The following EXOC1L variants were observed in gnomAD, a reference collection of about 807,000 sequenced individuals.
EXOC1L encodes exocyst complex component 1 like.
EXOC1L carries 10 observed loss-of-function variants against 4.9 expected under a neutral mutation model. The ratio of observed to expected loss-of-function variants is 2.02; its 90% CI spans 1.25 to 3.43. The LOEUF is 3.43. Ranked by LOEUF, EXOC1L falls within the 30% of genes most tolerant of loss-of-function variation. The pLI, the probability that EXOC1L is intolerant of heterozygous loss-of-function variation, is 0.00. For synonymous variants in EXOC1L, 41 were observed against 20.8 expected, an observed-to-expected ratio of 1.97 and a Z score of -2.63; for missense variants, 114 against 59.4, an observed-to-expected ratio of 1.92 and a Z score of -3.02.
In EXOC1L at chr4:55,831,684, T is replaced by C. The variant is rs78015313; in HGVS notation, c.252+220T>C. On this transcript the variant is annotated intron_variant, in intron 2 of 2. Transcript: ENST00000636125. ...TTGTCTATTAAATTTAAAAGCACCT[T>C]TCCCAAGGGCCATTTAACAGGTTAA... 2.6e-3 allele frequency among the ~76,000 whole-genome samples: 399 copies of C among 152,184 alleles called. 4 individuals carry two copies. Among genetic ancestry groups the C allele is most frequent in the African/African-American group, 7.7e-3 (318 of 41,544 alleles).
chr4:55,825,904 G>T (rs1013900509), intron 1 of EXOC1L, among the ~76,000 whole-genome samples: 1 of 151,942 alleles, frequency 6.6e-6, no homozygotes, highest in Non-Finnish European at 1.5e-5. Flanking sequence ...GGCCAACATG[G>T]TGAAACTCTG....
chr4:55,829,102 C>G (rs1048416244), intron 1 of EXOC1L, among the ~76,000 whole-genome samples: 3 of 152,204 alleles, frequency 2.0e-5, no homozygotes, highest in African/African-American at 4.8e-5. Context: ...AGTGTTGTTT[C>G]CATCCAGTGC....
At chr4:55,835,958 T>C (rs1317427599) in intron 2 of EXOC1L, among the ~76,000 whole-genome samples, 1 of 151,924 alleles carries the variant, frequency 6.6e-6, no homozygotes, top group Non-Finnish European at 1.5e-5. Context: ...CGCATGTAAA[T>C]TTCACAGCAG....
At chr4:55,835,983 A>C (rs1720150693) in intron 2 of EXOC1L, among the ~76,000 whole-genome samples, 1 of 151,930 alleles carries the variant, frequency 6.6e-6, no homozygotes, top group African/African-American at 2.4e-5. Context: ...ATCTAAAATA[A>C]GGAGAAAAAT....
chr4:55,820,987 G>A (rs985332680), intron 1 of EXOC1L, among the ~76,000 whole-genome samples: 2 of 152,120 alleles, frequency 1.3e-5, no homozygotes, highest in Non-Finnish European at 1.5e-5. Flanking sequence ...CAGGCGTTTA[G>A]GAGAAAAGAG....
At chr4:55,823,108 T>A (rs1034791485) in intron 1 of EXOC1L, among the ~76,000 whole-genome samples, 2 of 151,864 alleles carry the variant, frequency 1.3e-5, no homozygotes, top group Non-Finnish European at 2.9e-5. Context: ...CATCTTCCAT[T>A]CATAGCTATT....
intron 2 of EXOC1L, among the ~76,000 whole-genome samples, chr4:55,833,444 G>A (rs1339024995): frequency 6.6e-6 from 1 of 151,720 alleles, no homozygotes; most frequent in African/African-American, 2.4e-5. Context: ...TTACCTCTGT[G>A]ATAAGATTAC....
intron 1 of EXOC1L, among the ~76,000 whole-genome samples, chr4:55,824,253 A>G (rs1430025109): frequency 6.8e-6 from 1 of 146,788 alleles, no homozygotes; most frequent in Non-Finnish European, 1.5e-5. Context: ...ATTTTTTTCA[A>G]GTCTCTCTCT....
chr4:55,828,175 A>G (rs1404384905), intron 1 of EXOC1L, among the ~76,000 whole-genome samples: 1 of 152,070 alleles, frequency 6.6e-6, no homozygotes, highest in Non-Finnish European at 1.5e-5. Flanking sequence ...CTTCCTTCCT[A>G]TTACCTTTGT....
chr4:55,825,660 G>A (rs532289572), intron 1 of EXOC1L, among the ~76,000 whole-genome samples: 3 of 151,892 alleles, frequency 2.0e-5, no homozygotes, highest in South Asian at 2.1e-4. Context: ...TCTATCTCCC[G>A]TTCTGTAAAA....
intron 1 of EXOC1L, among the ~76,000 whole-genome samples, chr4:55,820,464 G>A (rs1329616566): frequency 6.6e-6 from 1 of 152,108 alleles, no homozygotes; most frequent in Non-Finnish European, 1.5e-5. Flanking sequence ...CAATTTTATT[G>A]TGCAAGAGCT....
intron 2 of EXOC1L, among the ~76,000 whole-genome samples, chr4:55,836,342 A>G (rs1183792214): frequency 6.6e-6 from 1 of 151,954 alleles, no homozygotes; most frequent in Non-Finnish European, 1.5e-5. Flanking sequence ...TATCTGTCTT[A>G]AAGAAGAGTT....
At chr4:55,823,702 TGTTTGTTTGTTC>T (rs1156275637) in intron 1 of EXOC1L, among the ~76,000 whole-genome samples, 6 of 135,024 alleles carry the variant, frequency 4.4e-5, no homozygotes, top group Admixed American at 2.2e-4. Context: ...TTTGTTTGTT[TGTTTGTTTGTTC>T]GTTTGTTTGT....
chr4:55,824,019 G>A (rs1719811837), intron 1 of EXOC1L, among the ~76,000 whole-genome samples: 1 of 151,830 alleles, frequency 6.6e-6, no homozygotes, highest in South Asian at 2.1e-4. Flanking sequence ...AAGAAATATA[G>A]GATTGATTTC....
chr4:55,832,623 A>G (rs935953546), intron 2 of EXOC1L, among the ~76,000 whole-genome samples: 1 of 151,992 alleles, frequency 6.6e-6, no homozygotes, highest in South Asian at 2.1e-4. Context: ...AGCTCCTTTC[A>G]TGTATATTTT....
chr4:55,830,884 T>G (rs1720011849), intron 1 of EXOC1L, among the ~76,000 whole-genome samples: 1 of 152,204 alleles, frequency 6.6e-6, no homozygotes, highest in East Asian at 1.9e-4. Flanking sequence ...CACTTACTCT[T>G]CAACACTGTG....
At position 55,829,422 on chromosome 4, in the gene EXOC1L, A is replaced by G. The variant is rs987984595; in HGVS notation, c.122-1912A>G. ...GTCATGATTTAACTCCAGAATGTCC[A>G]GTGCCAGAACTCATTAAGCTGCATT... On this transcript the variant is annotated intron_variant, in intron 1 of 2. Coordinates refer to ENST00000636125, the MANE Select transcript of EXOC1L (RefSeq NM_001351574.3). 5.3e-5 allele frequency among the ~76,000 whole-genome samples: 8 copies of G among 152,202 alleles called. No individual in the cohort carries two copies. The East Asian group carries it at 1.3e-3, about 26-fold the overall frequency.
At chr4:55,832,871 C>T (rs1201069196) in intron 2 of EXOC1L, among the ~76,000 whole-genome samples, 1 of 151,928 alleles carries the variant, frequency 6.6e-6, no homozygotes, top group East Asian at 1.9e-4. Context: ...GTATACCAGG[C>T]CCCACTAGGC....
At chr4:55,837,039 T>C (rs1198596223) in intron 2 of EXOC1L, 46 bp from the exon 3 acceptor site, 3 of 632,040 alleles carry the variant, frequency 4.7e-6, no homozygotes, top group Non-Finnish European at 8.7e-6. Context: ...GAAACCTAAC[T>C]ACTTTCTTGG....
Sources: allele counts gnomAD v4.1 joint callset (sites outside exome capture counted in the v4.1 genomes callset), GRCh38; gene constraint gnomAD v4.1.1; transcripts MANE v1.5; gene names NCBI Gene and HGNC (gene_info 2026-07-23, HGNC 2026-07-21).